Variants in BRD7 observed in about 807,000 individuals in gnomAD.
BRD7 encodes bromodomain-containing protein 7.
A neutral mutation model predicts 82.1 loss-of-function variants in BRD7; 15 were observed. The ratio of observed to expected loss-of-function variants is 0.18; its 90% confidence interval spans 0.12 to 0.28. The LOEUF (loss-of-function observed/expected upper bound fraction) is 0.28. Ranked by LOEUF, BRD7 falls within the 10% of genes least tolerant of loss-of-function variation. The probability of loss-of-function intolerance (pLI) is 1.00; values close to 1 mark genes in which losing one functional copy is unlikely to be tolerated. For synonymous variants in BRD7, 232 were observed against 266.9 expected (o/e 0.87, Z 1.27); for missense variants, 638 against 779.9 (o/e 0.82, Z 2.17).
At chr16:50,324,931 G>A (rs1013102472) in intron 11 of BRD7, among the ~76,000 whole-genome samples, 2 of 152,110 alleles carry the variant, frequency 1.3e-5, no homozygotes, top group African/African-American at 4.8e-5. Flanking sequence ...AGTCAACTTC[G>A]GACTTAAGGA....
At chr16:50,340,122 T>C (rs760719485) in intron 5 of BRD7, 36 bp from the exon 6 acceptor site, 4 of 1,288,664 alleles carry the variant, frequency 3.1e-6, no homozygotes, top group South Asian at 2.8e-5. Flanking sequence ...AATGCATTAA[T>C]GCAAAACAAA....
At chr16:50,356,721 A>AT (rs201650635) in intron 2 of BRD7, among the ~76,000 whole-genome samples, 4 of 139,162 alleles carry the variant, frequency 2.9e-5, no homozygotes, top group African/African-American at 1.1e-4. Flanking sequence ...GGGGAAAAAA[A>AT]AAATATATAT....
Position 50,334,804 on chromosome 16 carries a change from C to T in BRD7, c.794G>A (p.Ser265Asn), listed in dbSNP as rs765071682. Residue 265 changes from serine to asparagine, a missense_variant, in exon 7 of 17, where the codon AGT becomes AAT. Transcript: ENST00000394688. ...CTGCCAGCAGCCTCCGTCCTCCCCA[C>T]TCTGTGAGGTGTCTGTTCCATCTTT... ...KQKDGTDTSQ[S>N]GEDGGCWQRE... The T allele has an allele frequency of 3.1e-6, 5 of 1,614,028 alleles. No individual in the cohort carries two copies. The highest frequency in any genetic ancestry group is 4.2e-6 in the Non-Finnish European group (5 of 1,179,998).
chr16:50,319,406 A>G (rs2036970195), intron 16 of BRD7, 140 bp from the exon 17 acceptor site: 4 of 674,324 alleles, frequency 5.9e-6, no homozygotes, highest in African/African-American at 1.8e-5. Flanking sequence ...GACTACGCGC[A>G]TTATCAGGTG....
chr16:50,362,028 T>C (rs1379112647), intron 2 of BRD7, among the ~76,000 whole-genome samples: 1 of 152,202 alleles, frequency 6.6e-6, no homozygotes, highest in Non-Finnish European at 1.5e-5. Flanking sequence ...CTTACAATCT[T>C]AGAATACTTC....
intron 14 of BRD7, 90 bp from the exon 15 acceptor site, chr16:50,320,481 C>A (rs2037050099): frequency 1.3e-6 from 2 of 1,535,936 alleles, no homozygotes; most frequent in Non-Finnish European, 1.8e-6. Context: ...TATTGGTTAG[C>A]CTTCTCCCTT....
In BRD7 at chr16:50,323,576, A is replaced by T. The variant is rs776364724; in HGVS notation, c.1443+11T>A. ...AATAAATTACCCTGTTTTCATTAGC[A>T]GTGTTCTTACCATCTCCATCTCTTG... On this transcript the variant is annotated intron_variant, in intron 12 of 16. Transcript: ENST00000394688. 1.7e-5 allele frequency: 27 copies of T among 1,548,154 alleles called. No homozygotes were observed. In the Admixed American group the frequency reaches 4.5e-4, roughly 26 times the overall value.
intron 9 of BRD7, among the ~76,000 whole-genome samples, chr16:50,326,909 C>A (rs573484810): frequency 7.9e-5 from 12 of 152,252 alleles, no homozygotes; most frequent in African/African-American, 2.4e-4. Context: ...AGAAATGTCA[C>A]GTATGGGCAC....
Position 50,368,914 on chromosome 16 carries a change from GGGCGGCGC to G in BRD7, c.-148_-141del, listed in dbSNP as rs2151222011. 2.9e-6 allele frequency: 1 copy of G among 343,368 alleles called. No homozygotes were observed. The highest frequency in any genetic ancestry group is 4.1e-6 in the Non-Finnish European group (1 of 245,624). The allele number at this position is 343,368 out of a possible 1,614,324, so 21.3% of individuals were successfully genotyped here. On this transcript the variant is annotated 5_prime_UTR_variant, in exon 1 of 17. Coordinates refer to ENST00000394688, the MANE Select transcript of BRD7 (RefSeq NM_013263.5). ...GCGAGGCAGGGGGGCGGCGCGCGCC[GGGCGGCGC>G]GATGCCCCTCTCGAGAAGACGGCGC... is the stretch of plus-strand genomic sequence containing the variant.
At chr16:50,335,441 G>C (rs1026350770) in intron 6 of BRD7, among the ~76,000 whole-genome samples, 4 of 152,152 alleles carry the variant, frequency 2.6e-5, no homozygotes, top group Non-Finnish European at 5.9e-5. Flanking sequence ...GAATGGTTTC[G>C]CTAACCAAAG....
chr16:50,352,626 A>T (rs1338769746), intron 4 of BRD7, among the ~76,000 whole-genome samples: 1 of 151,652 alleles, frequency 6.6e-6, no homozygotes, highest in Admixed American at 6.6e-5. Context: ...TGTTGTCCAT[A>T]ATGGCTATAC....
intron 5 of BRD7, among the ~76,000 whole-genome samples, chr16:50,346,182 C>T (rs543019233): frequency 5.3e-5 from 8 of 152,244 alleles, no homozygotes; most frequent in South Asian, 2.1e-4. Flanking sequence ...AGGTACATAA[C>T]GAAATGAAGG....
intron 2 of BRD7, among the ~76,000 whole-genome samples, chr16:50,355,296 T>C (rs887009789): frequency 3.3e-5 from 5 of 152,188 alleles, no homozygotes; most frequent in African/African-American, 1.2e-4. Context: ...GAGTCAATCC[T>C]CTCTCAAGTT....
intron 2 of BRD7, among the ~76,000 whole-genome samples, chr16:50,356,733 T>C (rs1053215553): frequency 1.3e-5 from 2 of 151,274 alleles, no homozygotes; most frequent in African/African-American, 4.9e-5. Flanking sequence ...AATATATATA[T>C]ATATATACAC....
chr16:50,331,975 T>C lies in BRD7; in HGVS notation c.1011+1599A>G, dbSNP rs539643410. 3.9e-5 allele frequency among the ~76,000 whole-genome samples: 6 copies of C among 152,296 alleles called. No homozygotes were observed. The South Asian group carries it at 1.2e-3, about 32-fold the overall frequency. Reference sequence around the variant, plus strand: ...AACTGAACTCCTATCTCTCACAATATACAAACATTAACTCCAAATGGATTA... The same window carrying C: ...AACTGAACTCCTATCTCTCACAATACACAAACATTAACTCCAAATGGATTA... On this transcript the variant is annotated intron_variant, in intron 8 of 16. Transcript: ENST00000394688.
At chr16:50,330,335 CACTT>C (rs1258446624) in intron 8 of BRD7, among the ~76,000 whole-genome samples, 17 of 78,032 alleles carry the variant, frequency 2.2e-4, no homozygotes, top group East Asian at 8.5e-4. Flanking sequence ...GAAAAGAGGA[CACTT>C]TTTTTTTTTT....
chr16:50,328,819 C>T, intron 8 of BRD7, 75 bp from the exon 9 acceptor site: 2 of 1,358,120 alleles, frequency 1.5e-6, no homozygotes, highest in Non-Finnish European at 2.1e-6. Context: ...ATCCGAAATG[C>T]TTGATACCAG....
intron 8 of BRD7, among the ~76,000 whole-genome samples, chr16:50,330,336 A>ATTTTTTTTTTTTTTTTTTT (rs1567604853): frequency 1.4e-5 from 2 of 139,770 alleles, no homozygotes; most frequent in Non-Finnish European, 1.5e-5. Context: ...AAAAGAGGAC[A>ATTTTTTTTTTTTTTTTTTT]CTTTTTTTTT....
In BRD7 at chr16:50,316,579, C is replaced by T. The variant is rs978388930; in HGVS notation, c.*2632G>A. ...TTCAAAACTAGAAGGATCTACTCCG[C>T]ATGGGTGCATGCAGAGGCTCCTGGA... On this transcript the variant is annotated 3_prime_UTR_variant, in exon 17 of 17. Transcript: ENST00000394688. 1.3e-5 allele frequency: 2 copies of T among 152,354 alleles called. No individual in the cohort carries two copies. Among genetic ancestry groups the T allele is most frequent in the Admixed American group, 6.5e-5 (1 of 15,286 alleles). 9.4% of individuals were successfully genotyped at this position (152,354 alleles called of 1,614,324 possible). A position where few individuals can be genotyped will look rare whatever the true frequency, so the allele number is the denominator to read the frequency against.
Sources: allele counts gnomAD v4.1 joint callset (sites outside exome capture counted in the v4.1 genomes callset), GRCh38; gene constraint gnomAD v4.1.1; transcripts MANE v1.5; gene names NCBI Gene and HGNC (gene_info 2026-07-23, HGNC 2026-07-21).